The following MMP20 variants were observed in gnomAD, a reference collection of about 807,000 sequenced individuals.
MMP20 encodes the protein matrix metallopeptidase 20.
MMP20 carries 50 observed loss-of-function variants against 51.8 expected under a neutral mutation model. The observed-to-expected ratio is 0.97, with a 90% CI of 0.77 to 1.22. The LOEUF (loss-of-function observed/expected upper bound fraction) is 1.22, where lower values mean the gene tolerates loss of function less well. Among genes scored for constraint, MMP20 ranks in the 50% most tolerant of loss-of-function variants. The pLI is 0.00. For synonymous variants in MMP20, 244 were observed against 216.2 expected (o/e 1.13, Z -1.13); for missense variants, 663 against 601.4 (o/e 1.10, Z -1.07).
At position 102,609,659 on chromosome 11, in the gene MMP20, C is replaced by T. The variant is rs17098961; in HGVS notation, c.649+246G>A. ...GTTGTTGAAGGAAACGAGAGCAGTG[C>T]GTTGAGAAGGGGATGACTGGTTCTT... On this transcript the variant is annotated intron_variant, in intron 4 of 9. Transcript: ENST00000260228. 3.9e-5 allele frequency among the ~76,000 whole-genome samples: 6 copies of T among 152,236 alleles called. No individual in the cohort carries two copies. In the South Asian group the frequency reaches 1.0e-3, roughly 26 times the overall value.
At chr11:102,624,511 A>G (rs2135951528) in intron 1 of MMP20, among the ~76,000 whole-genome samples, 1 of 149,702 alleles carries the variant, frequency 6.7e-6, no homozygotes, top group African/African-American at 2.5e-5. Flanking sequence ...TTTCTATCAG[A>G]CCCTTTCCAG....
intron 5 of MMP20, chr11:102,607,854 A>T (rs1246723862): frequency 6.6e-6 from 1 of 152,032 alleles, no homozygotes; most frequent in African/African-American, 2.4e-5. Flanking sequence ...TCCCATTGGA[A>T]CACTGCCACC....
At chr11:102,609,695 G>T (rs577760064) in intron 4 of MMP20, among the ~76,000 whole-genome samples, 1 of 152,304 alleles carries the variant, frequency 6.6e-6, no homozygotes, top group South Asian at 2.1e-4. Flanking sequence ...CAGATGATAT[G>T]CTATGAAACA....
At chr11:102,592,435 A>G (rs1859328531) in intron 8 of MMP20, among the ~76,000 whole-genome samples, 1 of 151,640 alleles carries the variant, frequency 6.6e-6, no homozygotes, top group Non-Finnish European at 1.5e-5. Flanking sequence ...CTTATGAAAT[A>G]TATTTATGTG....
At chr11:102,603,577 T>C (rs886082587) in intron 6 of MMP20, among the ~76,000 whole-genome samples, 1 of 152,190 alleles carries the variant, frequency 6.6e-6, no homozygotes, top group Non-Finnish European at 1.5e-5. Context: ...TGTGATAATA[T>C]AGTGCTTTGC....
Position 102,605,872 on chromosome 11 carries a change from T to TCTTGG in MMP20, c.953+662_953+663insCCAAG, listed in dbSNP as rs1398450522. Among the ~76,000 whole-genome samples, 4 of 152,306 alleles carry TCTTGG rather than the reference T, an allele frequency of 2.6e-5. 1 individual carries two copies. In the South Asian group the frequency reaches 6.2e-4, roughly 24 times the overall value. On this transcript the variant is annotated intron_variant, in intron 6 of 9. Transcript: ENST00000260228. ...GAAGTATTTGGAGTAACCAGCATCATGGAGACAACAGCCTTACTCCCCAAG... is the reference window on the plus strand; with the variant it reads ...GAAGTATTTGGAGTAACCAGCATCATCTTGGGGAGACAACAGCCTTACTCCCCAAG...
intron 1 of MMP20, among the ~76,000 whole-genome samples, chr11:102,621,273 C>A (rs1418267569): frequency 6.6e-6 from 1 of 152,214 alleles, no homozygotes; most frequent in Admixed American, 6.5e-5. Context: ...TACGCCTGCA[C>A]CCTAAACTCG....
chr11:102,603,062 G>A (rs554992455), intron 6 of MMP20, among the ~76,000 whole-genome samples: 5 of 152,262 alleles, frequency 3.3e-5, no homozygotes, highest in Middle Eastern at 3.4e-3. Context: ...TTGAATGTAC[G>A]TTTATACACT....
intron 3 of MMP20, among the ~76,000 whole-genome samples, chr11:102,611,211 T>C (rs999676531): frequency 3.9e-5 from 6 of 151,992 alleles, no homozygotes; most frequent in African/African-American, 1.5e-4. Flanking sequence ...GGGTGAGCAA[T>C]GGAATGGAGA....
intron 2 of MMP20, among the ~76,000 whole-genome samples, chr11:102,612,796 G>A (rs1859620012): frequency 6.9e-6 from 1 of 145,822 alleles, no homozygotes; most frequent in Non-Finnish European, 1.5e-5. Context: ...GAGTGCAATG[G>A]CATGATCTCT....
intron 4 of MMP20, 65 bp from the exon 5 acceptor site, chr11:102,609,163 T>A: frequency 7.1e-7 from 1 of 1,409,284 alleles, no homozygotes; most frequent in East Asian, 2.3e-5. Flanking sequence ...ATCTTCCATC[T>A]TTATAGTATA....
At chr11:102,592,818 C>G (rs969774924) in intron 8 of MMP20, among the ~76,000 whole-genome samples, 4 of 152,234 alleles carry the variant, frequency 2.6e-5, no homozygotes, top group Admixed American at 2.6e-4. Flanking sequence ...AGGATAGAAA[C>G]TCAGTAGCTA....
intron 2 of MMP20, 42 bp downstream of exon 2, chr11:102,616,770 G>T: frequency 6.2e-7 from 1 of 1,609,914 alleles, no homozygotes; most frequent in Non-Finnish European, 8.5e-7. Context: ...AAAGAGAGAG[G>T]TGGTGTTTTT....
At chr11:102,604,293 G>A (rs960961434) in intron 6 of MMP20, among the ~76,000 whole-genome samples, 3 of 152,076 alleles carry the variant, frequency 2.0e-5, no homozygotes, top group African/African-American at 7.2e-5. Flanking sequence ...CTCCTGCCCT[G>A]CCTGGTCTAC....
chr11:102,593,566 G>T lies in MMP20; in HGVS notation c.1120C>A (p.Gln374Lys), dbSNP rs1284173266. The change falls in exon 8 of 10, where the codon CAA becomes AAA. Residue 374 changes from glutamine (Q) to lysine (K), a missense_variant. By Grantham distance (53) the Gln-to-Lys change is moderately conservative. Coordinates refer to ENST00000260228, the MANE Select transcript of MMP20 (RefSeq NM_004771.4). ...GPHYWITRGFQMQGPPRTIYD... is the reference protein window; with the variant it reads ...GPHYWITRGFKMQGPPRTIYD... ...ATAGTCCGAGGAGGACCTTGCATTT[G>T]GAATCCTCTTGTTATCCAGTAGTGG... The T allele has an allele frequency of 2.5e-6, 4 of 1,613,954 alleles. No individual in the cohort carries two copies. The African/African-American group carries it at 5.3e-5, about 22-fold the overall frequency.
At chr11:102,605,488 C>A (rs1293585344) in intron 6 of MMP20, 9 of 151,732 alleles carry the variant, frequency 5.9e-5, no homozygotes, top group Admixed American at 3.9e-4. Flanking sequence ...CAAAAGCATA[C>A]AAGATAAGGA....
chr11:102,623,316 G>A (rs1006833483), intron 1 of MMP20, among the ~76,000 whole-genome samples: 4 of 152,278 alleles, frequency 2.6e-5, no homozygotes, highest in African/African-American at 9.6e-5. Context: ...TAGGAACCTG[G>A]CCCCACAGCA....
At chr11:102,590,285 G>A (rs767068870) in intron 8 of MMP20, among the ~76,000 whole-genome samples, 1 of 152,210 alleles carries the variant, frequency 6.6e-6, no homozygotes, top group African/African-American at 2.4e-5. Flanking sequence ...AGGAATAAAA[G>A]TAAGGGGAAG....
intron 8 of MMP20, among the ~76,000 whole-genome samples, chr11:102,581,760 G>A (rs1859198535): frequency 6.6e-6 from 1 of 152,168 alleles, no homozygotes; most frequent in Admixed American, 6.5e-5. Flanking sequence ...TCTCAAGATT[G>A]TTGAAAGGTG....
Sources: gnomAD v4.1 joint callset for allele counts (sites outside exome capture counted in the v4.1 genomes callset) on GRCh38, gnomAD v4.1.1 for gene constraint, MANE v1.5 for transcripts, NCBI Gene and HGNC (gene_info 2026-07-23, HGNC 2026-07-21) for gene names.